CDK17: variants seen among roughly 807,000 people sequenced by gnomAD.
CDK17 encodes the protein cyclin dependent kinase 17, also known as cyclin-dependent kinase 17.
In CDK17, 24 loss-of-function variants were observed where a neutral mutation model predicts 77.6. The ratio of observed to expected loss-of-function variants is 0.31; its 90% CI spans 0.22 to 0.44. The LOEUF is 0.44. Ranked by LOEUF, CDK17 falls within the 20% of genes least tolerant of loss-of-function variation. The pLI is 1.00. For synonymous variants in CDK17, 203 were observed against 210.4 expected, an observed-to-expected ratio of 0.96 and a Z score of 0.30; for missense variants, 429 against 622.5, an observed-to-expected ratio of 0.69 and a Z score of 3.31.
At chr12:96,323,248 C>T (rs1952845420) in intron 3 of CDK17, among the ~76,000 whole-genome samples, 1 of 146,754 alleles carries the variant, frequency 6.8e-6, no homozygotes, top group Admixed American at 6.8e-5. Context: ...GCCTGGGCAA[C>T]ACAGTGAGAC....
intron 1 of CDK17, among the ~76,000 whole-genome samples, chr12:96,340,220 T>G (rs1953104209): frequency 6.6e-6 from 1 of 152,090 alleles, no homozygotes; most frequent in Non-Finnish European, 1.5e-5. Flanking sequence ...TCAGGGGACA[T>G]TCTATGCGCT....
chr12:96,315,141 T>G (rs1464061053), intron 3 of CDK17, among the ~76,000 whole-genome samples: 1 of 152,254 alleles, frequency 6.6e-6, no homozygotes, highest in African/African-American at 2.4e-5. Context: ...AATAAAGTTA[T>G]ATAAAATATC....
At chr12:96,359,126 C>A (rs532400903) in intron 1 of CDK17, among the ~76,000 whole-genome samples, 155 of 152,200 alleles carry the variant, frequency 1.0e-3, no homozygotes, top group African/African-American at 3.3e-3. Context: ...ACCAACGTAT[C>A]TAATACCTGC....
At chr12:96,376,706 G>C (rs1201958138) in intron 1 of CDK17, among the ~76,000 whole-genome samples, 3 of 152,154 alleles carry the variant, frequency 2.0e-5, no homozygotes, top group Non-Finnish European at 4.4e-5. Context: ...AGTTAAAACA[G>C]CAAACTGGCC....
chr12:96,390,293 T>C (rs1485776476), intron 1 of CDK17, among the ~76,000 whole-genome samples: 1 of 151,216 alleles, frequency 6.6e-6, no homozygotes, highest in Non-Finnish European at 1.5e-5. Context: ...CACGCCCGGC[T>C]AATTTTTTTG....
At chr12:96,308,481 C>A (rs77636638) in intron 5 of CDK17, among the ~76,000 whole-genome samples, 3 of 151,638 alleles carry the variant, frequency 2.0e-5, no homozygotes, top group African/African-American at 7.3e-5. Context: ...GTAATCCCAG[C>A]ACGTTGGGAG....
chr12:96,287,471 T>C (rs980966076), intron 11 of CDK17, among the ~76,000 whole-genome samples: 1 of 152,152 alleles, frequency 6.6e-6, no homozygotes, highest in African/African-American at 2.4e-5. Context: ...TAAAATGATA[T>C]AGTTGCTATG....
At chr12:96,336,820 T>C (rs887817420) in intron 1 of CDK17, among the ~76,000 whole-genome samples, 3 of 152,196 alleles carry the variant, frequency 2.0e-5, no homozygotes, top group African/African-American at 7.2e-5. Flanking sequence ...AGATGCCAGT[T>C]CTCTAGTGAA....
chr12:96,350,369 A>G (rs535904136), intron 1 of CDK17, among the ~76,000 whole-genome samples: 5 of 151,954 alleles, frequency 3.3e-5, no homozygotes, highest in Admixed American at 2.0e-4. Context: ...AAAGCAAGAC[A>G]ACGACGATAT....
intron 3 of CDK17, among the ~76,000 whole-genome samples, chr12:96,322,043 C>A (rs1952825559): frequency 6.6e-6 from 1 of 152,192 alleles, no homozygotes; most frequent in African/African-American, 2.4e-5. Flanking sequence ...TAATCTCAGA[C>A]TATGAATAAA....
rs1304598208 is a variant in CDK17 at position 96,316,681 on chromosome 12, C to T, written c.284-3227G>A. On this transcript the variant is annotated intron_variant, in intron 3 of 16. Transcript: ENST00000261211. ...CCCGAGCAGCCTAACTGTGAGGCACCCCCCAGCAGGGGCACACTGACACCT... is the reference window on the plus strand; with the variant it reads ...CCCGAGCAGCCTAACTGTGAGGCACTCCCCAGCAGGGGCACACTGACACCT... Among the ~76,000 whole-genome samples, 11 of 127,278 alleles carry T rather than the reference C, an allele frequency of 8.6e-5. 2 individuals carry two copies. Among genetic ancestry groups the T allele is most frequent in the African/African-American group, 1.5e-4 (5 of 34,020 alleles). The allele number at this position is 127,278 out of a possible 152,430, so 83.5% of individuals were successfully genotyped here. A position where few individuals can be genotyped will look rare whatever the true frequency, so the allele number is the denominator to read the frequency against.
At chr12:96,295,627 A>C (rs1952394198) in intron 9 of CDK17, among the ~76,000 whole-genome samples, 1 of 152,126 alleles carries the variant, frequency 6.6e-6, no homozygotes, top group Admixed American at 6.5e-5. Context: ...TGAGGTATCA[A>C]AGAGAAAGCT....
chr12:96,393,616 C>A (rs1192520316), intron 1 of CDK17, among the ~76,000 whole-genome samples: 1 of 151,896 alleles, frequency 6.6e-6, no homozygotes, highest in Non-Finnish European at 1.5e-5. Flanking sequence ...AACCTGTAGT[C>A]CCAGCTATTT....
chr12:96,306,360 A>G (rs1952577011), intron 5 of CDK17, among the ~76,000 whole-genome samples: 1 of 151,980 alleles, frequency 6.6e-6, no homozygotes, highest in African/African-American at 2.4e-5. Context: ...TGAGGCCAGG[A>G]GTTCAAGACA....
intron 10 of CDK17, among the ~76,000 whole-genome samples, chr12:96,290,884 GAATGA>G (rs1400559608): frequency 6.6e-6 from 1 of 152,100 alleles, no homozygotes; most frequent in Non-Finnish European, 1.5e-5. Flanking sequence ...ATACTGGTTG[GAATGA>G]AATGAAACAA....
intron 13 of CDK17, 144 bp downstream of exon 13, chr12:96,285,899 C>G: frequency 2.2e-6 from 1 of 463,348 alleles, no homozygotes; most frequent in South Asian, 3.5e-5. Flanking sequence ...AAAACATATA[C>G]AGTTCAAAAT....
chr12:96,301,992 T>G (rs969971848), intron 5 of CDK17, among the ~76,000 whole-genome samples: 4 of 152,170 alleles, frequency 2.6e-5, no homozygotes, highest in African/African-American at 9.6e-5. Context: ...TAATTAAAAC[T>G]TTGGTCACAG....
chr12:96,371,994 T>C (rs1335906877), intron 1 of CDK17, among the ~76,000 whole-genome samples: 1 of 63,398 alleles, frequency 1.6e-5, no homozygotes, highest in Non-Finnish European at 3.2e-5. Context: ...AGAGACAGTG[T>C]GTGAGTGAGT....
intron 1 of CDK17, chr12:96,399,103 G>C (rs1954216816): frequency 6.6e-6 from 1 of 152,346 alleles, no homozygotes; most frequent in Admixed American, 6.5e-5. Flanking sequence ...CCGAAAAGGA[G>C]TGGGTGAAAA....
Sources: gnomAD v4.1 joint callset for allele counts (sites outside exome capture counted in the v4.1 genomes callset) on GRCh38, gnomAD v4.1.1 for gene constraint, MANE v1.5 for transcripts, NCBI Gene and HGNC (gene_info 2026-07-23, HGNC 2026-07-21) for gene names.